The following DNASE1 variants were observed in gnomAD, a reference collection of about 807,000 sequenced individuals.
The protein encoded by DNASE1 is deoxyribonuclease-1.
In DNASE1, 40 loss-of-function variants were observed where a neutral mutation model predicts 33.9. The ratio of observed to expected loss-of-function variants is 1.18; its 90% CI spans 0.92 to 1.54. The LOEUF is 1.54. Among genes scored for constraint, DNASE1 ranks in the 40% most tolerant of loss-of-function variants. DNASE1 has a pLI of 0.00. For synonymous variants in DNASE1, 216 were observed against 160.0 expected (o/e 1.35, Z -2.64); for missense variants, 518 against 372.6 (o/e 1.39, Z -3.21).
At chr16:3,626,581 A>C (rs1190914879) in intron 1 of DNASE1, among the ~76,000 whole-genome samples, 1 of 152,188 alleles carries the variant, frequency 6.6e-6, no homozygotes, top group Non-Finnish European at 1.5e-5. Context: ...AAGCTTGAAC[A>C]CTTGAAAACA....
intron 1 of DNASE1, among the ~76,000 whole-genome samples, chr16:3,636,006 T>C (rs1021796177): frequency 2.0e-5 from 3 of 152,234 alleles, no homozygotes; most frequent in African/African-American, 7.2e-5. Context: ...CAGTTCATTA[T>C]TGTTTCAGAT....
chr16:3,652,997 G>C (rs1327383411), upstream of DNASE1: 1 of 152,254 alleles, frequency 6.6e-6, no homozygotes, highest in Non-Finnish European at 1.5e-5. Flanking sequence ...CAAGACCCAG[G>C]GGTGGCTCAA....
At chr16:3,629,551 T>C (rs2041631854) in intron 1 of DNASE1, among the ~76,000 whole-genome samples, 1 of 152,202 alleles carries the variant, frequency 6.6e-6, no homozygotes. Context: ...TTTATTTTAT[T>C]GAATGCCTGG....
intron 1 of DNASE1, among the ~76,000 whole-genome samples, chr16:3,644,912 TG>T (rs537043446): frequency 9.3e-4 from 141 of 151,882 alleles, no homozygotes; most frequent in African/African-American, 3.3e-3. Context: ...GCGGATCACT[TG>T]GGCTTAGGAG....
chr16:3,618,730 AAAG>A (rs1160404270), intron 1 of DNASE1, among the ~76,000 whole-genome samples: 1 of 152,224 alleles, frequency 6.6e-6, no homozygotes, highest in Non-Finnish European at 1.5e-5. Context: ...ACTCCGTCAA[AAAG>A]AAGAAATGCT....
intron 4 of DNASE1, among the ~76,000 whole-genome samples, 161 bp downstream of exon 4, chr16:3,656,346 G>A (rs1246314059): frequency 6.6e-6 from 1 of 151,238 alleles, no homozygotes; most frequent in East Asian, 2.0e-4. Context: ...CGGACCAATG[G>A]GTTGAGCAGG....
Position 3,664,313 on chromosome 16 carries a change from G to C in DNASE1, c.*6360G>C, listed in dbSNP as rs1325824229. The C allele has an allele frequency of 6.2e-7, 1 of 1,611,538 alleles. No homozygotes were observed. The highest frequency in any genetic ancestry group is 2.2e-5 in the East Asian group (1 of 44,832). On this transcript the variant is annotated 3_prime_UTR_variant, in exon 10 of 10. Transcript: ENST00000407479. ...TCTTCATGGCCTCATAGTAGGGTGA[G>C]TGCTCTGCCAGGTGACGGTTGGGGG...
At chr16:3,626,559 C>T (rs947565282) in intron 1 of DNASE1, among the ~76,000 whole-genome samples, 1 of 152,184 alleles carries the variant, frequency 6.6e-6, no homozygotes, top group African/African-American at 2.4e-5. Flanking sequence ...TATAGTCCAT[C>T]TTGAGTGCTC....
downstream of DNASE1, chr16:3,662,361 G>A (rs1322804610): frequency 3.8e-5 from 23 of 606,920 alleles, no homozygotes; most frequent in East Asian, 2.5e-4. Flanking sequence ...CTGGTGCCCC[G>A]CTGCTGCCTC....
intron 1 of DNASE1, among the ~76,000 whole-genome samples, chr16:3,631,446 C>G (rs1872095957): frequency 1.3e-5 from 2 of 152,182 alleles, no homozygotes; most frequent in African/African-American, 4.8e-5. Flanking sequence ...CTCAGGTGAT[C>G]CACCTGCCTC....
intron 1 of DNASE1, among the ~76,000 whole-genome samples, chr16:3,629,326 T>C (rs2041626072): frequency 6.6e-6 from 1 of 152,194 alleles, no homozygotes; most frequent in Non-Finnish European, 1.5e-5. Context: ...TCACATGCCT[T>C]TGCTGCAGCA....
chr16:3,611,975 C>T (rs923005794), exon 1 of DNASE1: 1 of 152,336 alleles, frequency 6.6e-6, no homozygotes, highest in Non-Finnish European at 1.5e-5. Context: ...GGCACCAAAT[C>T]TGGCCTGGGG....
At chr16:3,650,342 GA>G (rs1182573831), upstream of DNASE1, among the ~76,000 whole-genome samples, 1 of 152,072 alleles carries the variant, frequency 6.6e-6, no homozygotes, top group African/African-American at 2.4e-5. Context: ...AAACGTAAAT[GA>G]ATATTCTAAA....
chr16:3,662,661 T>C, downstream of DNASE1: 1 of 686,982 alleles, frequency 1.5e-6, no homozygotes, highest in Non-Finnish European at 2.7e-6. Flanking sequence ...AGTTCACACC[T>C]GCTCTGGAGC....
chr16:3,635,732 T>C (rs192233099), intron 1 of DNASE1, among the ~76,000 whole-genome samples: 9 of 151,776 alleles, frequency 5.9e-5, no homozygotes, highest in Non-Finnish European at 1.0e-4. Flanking sequence ...CTTACAACAC[T>C]ATAAATATTC....
exon 10 of DNASE1, chr16:3,664,423 C>G: frequency 6.2e-7 from 1 of 1,612,346 alleles, no homozygotes; most frequent in South Asian, 1.1e-5. Context: ...GAGGGCAGCG[C>G]CGAGGACTCG....
In DNASE1 at chr16:3,613,908, A is replaced by ATTTTT. The variant is rs200976238; in HGVS notation, c.-1359+1921_-1359+1925dup. 5.3e-5 allele frequency among the ~76,000 whole-genome samples: 6 copies of ATTTTT among 113,148 alleles called. 1 individual carries two copies. Among genetic ancestry groups the ATTTTT allele is most frequent in the African/African-American group, 1.9e-4 (5 of 26,754 alleles). 74.2% of individuals were successfully genotyped at this position (113,148 alleles called of 152,430 possible). A position where few individuals can be genotyped will look rare whatever the true frequency, so the allele number is the denominator to read the frequency against. On this transcript the variant is annotated intron_variant and NMD_transcript_variant, in intron 1 of 11. Coordinates refer to the DNASE1 transcript ENST00000570769. The stretch of plus-strand genomic sequence containing the variant: ...AGGCGCCCGCAACCGCGCCTGGCTA[A>ATTTTT]TTTTTTTTTTTTTTTTTTTTTTTGG...
At chr16:3,659,814 G>C (rs1323482678), downstream of DNASE1, 1 of 151,982 alleles carries the variant, frequency 6.6e-6, no homozygotes, top group African/African-American at 2.4e-5. Flanking sequence ...AGAGTGAAAT[G>C]GCATGATCTT....
intron 1 of DNASE1, among the ~76,000 whole-genome samples, chr16:3,617,987 A>G (rs2041168778): frequency 6.6e-6 from 1 of 151,724 alleles, no homozygotes; most frequent in African/African-American, 2.4e-5. Flanking sequence ...GGACTAAGAC[A>G]TTCTAGTAGC....
Sources: allele counts gnomAD v4.1 joint callset (sites outside exome capture counted in the v4.1 genomes callset), GRCh38; gene constraint gnomAD v4.1.1; transcripts MANE v1.5; gene names NCBI Gene and HGNC (gene_info 2026-07-23, HGNC 2026-07-21).